GALNT14: variants seen among roughly 807,000 people sequenced by gnomAD.
GALNT14 encodes the protein polypeptide N-acetylgalactosaminyltransferase 14, also known as UDP-GalNAc:polypeptide N-acetylgalactosaminyltransferase 14.
GALNT14 carries 60 observed loss-of-function variants against 77.5 expected under a neutral mutation model. The ratio of observed to expected loss-of-function variants is 0.77; its 90% CI spans 0.63 to 0.96. The LOEUF (loss-of-function observed/expected upper bound fraction) is 0.96. Among genes scored for constraint, GALNT14 ranks in the 40% least tolerant of loss-of-function variants. The probability of loss-of-function intolerance (pLI) is 0.00; values close to 1 mark genes in which losing one functional copy is unlikely to be tolerated. For synonymous variants in GALNT14, 280 were observed against 281.7 expected (o/e 0.99, Z 0.06); for missense variants, 710 against 731.0 (o/e 0.97, Z 0.33).
At chr2:31,057,354 G>C (rs1254790988) in intron 1 of GALNT14, among the ~76,000 whole-genome samples, 4 of 79,004 alleles carry the variant, frequency 5.1e-5, no homozygotes, top group Admixed American at 4.7e-4. Context: ...ATATATGTGT[G>C]TGTGTGTGTG....
At chr2:31,024,008 C>T (rs1205935686) in intron 1 of GALNT14, among the ~76,000 whole-genome samples, 1 of 152,134 alleles carries the variant, frequency 6.6e-6, no homozygotes, top group South Asian at 2.1e-4. Flanking sequence ...GGCCCCAACC[C>T]GGTCTTGGTT....
chr2:31,055,053 C>G (rs1674124670), intron 1 of GALNT14, among the ~76,000 whole-genome samples: 2 of 152,324 alleles, frequency 1.3e-5, no homozygotes, highest in South Asian at 4.1e-4. Context: ...ATTAAACCAT[C>G]TGAACAAAGG....
At chr2:31,118,871 T>C (rs72856348) in intron 1 of GALNT14, among the ~76,000 whole-genome samples, 4,742 of 152,254 alleles carry the variant, frequency 0.031, 231 homozygotes, top group African/African-American at 0.11. Flanking sequence ...ATTGCCATAG[T>C]AAAAGACAAA....
At chr2:30,973,452 G>C (rs1036623454) in intron 2 of GALNT14, among the ~76,000 whole-genome samples, 1 of 152,208 alleles carries the variant, frequency 6.6e-6, no homozygotes, top group Admixed American at 6.5e-5. Context: ...CAGTGATCTT[G>C]CTACTGGCTT....
At chr2:31,089,731 AC>A (rs899048427) in intron 1 of GALNT14, among the ~76,000 whole-genome samples, 3 of 152,178 alleles carry the variant, frequency 2.0e-5, no homozygotes, top group African/African-American at 7.2e-5. Context: ...AACAAAAAGC[AC>A]CAGATCTGAC....
intron 13 of GALNT14, among the ~76,000 whole-genome samples, chr2:30,916,509 C>T (rs935322465): frequency 3.3e-5 from 5 of 152,214 alleles, no homozygotes; most frequent in African/African-American, 4.8e-5. Flanking sequence ...GATAGGCCAG[C>T]TGGGGGCTGA....
At chr2:30,919,597 G>A (rs980618426) in intron 13 of GALNT14, among the ~76,000 whole-genome samples, 2 of 152,224 alleles carry the variant, frequency 1.3e-5, no homozygotes, top group African/African-American at 4.8e-5. Context: ...AAAAACCTAT[G>A]TAGATCTCAT....
intron 6 of GALNT14, among the ~76,000 whole-genome samples, chr2:30,947,014 C>T (rs1666737511): frequency 6.6e-6 from 1 of 152,112 alleles, no homozygotes; most frequent in African/African-American, 2.4e-5. Context: ...CCTGTCTTCC[C>T]TCCCCGCAGC....
In GALNT14 at chr2:31,075,692, G is replaced by A. The variant is rs539191538; in HGVS notation, c.129+62266C>T. ...TGATTTACTCCACCAGGACTGCCAG[G>A]CTGCTGCTTTTCCTTTCACTGCTGA... On this transcript the variant is annotated intron_variant, in intron 1 of 14. Transcript: ENST00000349752. Among the ~76,000 whole-genome samples, 110 of 152,334 alleles carry A rather than the reference G, an allele frequency of 7.2e-4. 1 individual carries two copies. The highest frequency in any genetic ancestry group is 2.6e-3 in the African/African-American group (107 of 41,580).
intron 1 of GALNT14, among the ~76,000 whole-genome samples, chr2:31,054,509 C>T (rs947136109): frequency 2.0e-5 from 3 of 152,190 alleles, no homozygotes; most frequent in African/African-American, 7.2e-5. Flanking sequence ...GATTCTTGTC[C>T]ATCATATTCA....
intron 1 of GALNT14, among the ~76,000 whole-genome samples, chr2:31,097,651 T>C (rs139115650): frequency 1.4e-3 from 207 of 152,296 alleles, no homozygotes; most frequent in Non-Finnish European, 2.5e-3. Context: ...TGTTCACTAA[T>C]TCTTATTTCG....
At chr2:31,096,907 G>C (rs1677029092) in intron 1 of GALNT14, among the ~76,000 whole-genome samples, 1 of 152,076 alleles carries the variant, frequency 6.6e-6, no homozygotes, top group Non-Finnish European at 1.5e-5. Flanking sequence ...AGGAATCCAG[G>C]TCCCCACTTT....
At chr2:30,937,005 A>T (rs746723508) in intron 9 of GALNT14, among the ~76,000 whole-genome samples, 14 of 152,220 alleles carry the variant, frequency 9.2e-5, no homozygotes, top group Non-Finnish European at 1.6e-4. Context: ...ATGGGGCTTT[A>T]GCCAGTAGCT....
intron 13 of GALNT14, among the ~76,000 whole-genome samples, chr2:30,921,511 A>G (rs1665028555): frequency 6.6e-6 from 1 of 152,072 alleles, no homozygotes. Context: ...CCCCTGCCCT[A>G]CTGGAGTAGA....
In GALNT14 at chr2:30,963,959, A is replaced by G. The variant is rs181099641; in HGVS notation, c.398+2245T>C. 4.8e-4 allele frequency among the ~76,000 whole-genome samples: 73 copies of G among 152,338 alleles called. 1 individual carries two copies. Among genetic ancestry groups the G allele is most frequent in the Admixed American group, 4.3e-3 (66 of 15,300 alleles). ...ATTGGGAGGTTAAGAGATGGATAAG[A>G]TAAGTCCTTGCCCTAAAGGAGCTCA... On this transcript the variant is annotated intron_variant, in intron 3 of 14. Transcript: ENST00000349752.
At chr2:31,039,734 A>G (rs1308174473) in intron 1 of GALNT14, among the ~76,000 whole-genome samples, 2 of 152,156 alleles carry the variant, frequency 1.3e-5, no homozygotes, top group Non-Finnish European at 2.9e-5. Context: ...AGGGTAACTT[A>G]AAAGAACGTG....
Position 30,955,599 on chromosome 2 carries a change from G to C in GALNT14, c.654+19C>G. On this transcript the variant is annotated intron_variant, in intron 6 of 14. Coordinates refer to ENST00000349752, the MANE Select transcript of GALNT14 (RefSeq NM_024572.4). Reference sequence around the variant, plus strand: ...AAGCTGGGGCACGAGGCCCGGCCCTGCTCCTCAGCCTCACTCACCTCTTTG... The same window carrying C: ...AAGCTGGGGCACGAGGCCCGGCCCTCCTCCTCAGCCTCACTCACCTCTTTG... 6.2e-7 allele frequency: 1 copy of C among 1,612,222 alleles called. No individual in the cohort carries two copies. The highest frequency in any genetic ancestry group is 1.3e-5 in the African/African-American group (1 of 75,018).
chr2:30,923,974 G>T, intron 13 of GALNT14, 145 bp downstream of exon 13: 4 of 887,040 alleles, frequency 4.5e-6, no homozygotes, highest in Non-Finnish European at 7.3e-6. Context: ...AGAGTGGGGG[G>T]ATCACACCTC....
At chr2:30,952,338 T>A (rs1350996008) in intron 6 of GALNT14, among the ~76,000 whole-genome samples, 1 of 151,666 alleles carries the variant, frequency 6.6e-6, no homozygotes, top group African/African-American at 2.4e-5. Flanking sequence ...TTATTCACAA[T>A]AGCAAAGACG....
Sources: allele counts gnomAD v4.1 joint callset (sites outside exome capture counted in the v4.1 genomes callset), GRCh38; gene constraint gnomAD v4.1.1; transcripts MANE v1.5; gene names NCBI Gene and HGNC (gene_info 2026-07-23, HGNC 2026-07-21).